MAGI1: variants seen among roughly 807,000 people sequenced by gnomAD.
The protein encoded by MAGI1 is membrane-associated guanylate kinase, WW and PDZ domain-containing protein 1.
Under a neutral mutation model 139.9 loss-of-function variants are expected in MAGI1, and 58 were observed. The ratio of observed to expected loss-of-function variants is 0.41; its 90% CI spans 0.34 to 0.52. The LOEUF (loss-of-function observed/expected upper bound fraction) is 0.52. Ranked by LOEUF, MAGI1 falls within the 20% of genes least tolerant of loss-of-function variation. MAGI1 has a pLI of 0.12. For missense variants in MAGI1, 1,874 were observed against 1,901.6 expected, an observed-to-expected ratio of 0.99 and a Z score of 0.27; for synonymous variants, 812 against 737.9, an observed-to-expected ratio of 1.10 and a Z score of -1.63.
chr3:65,451,922 A>T (rs1055818546), intron 6 of MAGI1, among the ~76,000 whole-genome samples: 2 of 152,188 alleles, frequency 1.3e-5, no homozygotes, highest in African/African-American at 4.8e-5. Context: ...TGCTGAGATT[A>T]CAGGTATGAG....
chr3:65,822,864 G>A (rs2042022498), intron 1 of MAGI1, among the ~76,000 whole-genome samples: 1 of 152,186 alleles, frequency 6.6e-6, no homozygotes, highest in Admixed American at 6.5e-5. Context: ...AACCATTGCT[G>A]AACCTGCATG....
At chr3:65,700,393 A>C (rs1004164385) in intron 1 of MAGI1, among the ~76,000 whole-genome samples, 3 of 152,128 alleles carry the variant, frequency 2.0e-5, no homozygotes, top group African/African-American at 7.2e-5. Flanking sequence ...GGTCACAATG[A>C]GTGGAGATCA....
chr3:65,855,665 AAG>A lies in MAGI1; in HGVS notation c.313+182329_313+182330del, dbSNP rs1415691856. Among the ~76,000 whole-genome samples, 279 of 142,554 alleles carry A rather than the reference AAG, an allele frequency of 2.0e-3. 6 individuals are homozygous for A. Among genetic ancestry groups the A allele is most frequent in the African/African-American group, 2.9e-3 (107 of 37,258 alleles). The allele number at this position is 142,554 out of a possible 152,430, so 93.5% of individuals were successfully genotyped here. On this transcript the variant is annotated intron_variant, in intron 1 of 22. Transcript: ENST00000402939. ...GAAACAGAGAGAGAGAAAGGAAAAA[AAG>A]AGAAAAGAAAGGAAAAGAAAAGAAA...
At position 65,356,770 on chromosome 3, in the gene MAGI1, C is replaced by T. The variant is rs142375705; in HGVS notation, c.3997G>A (p.Ala1333Thr). ...TCCCTCCTCTCCAAAGTGTTGTCGG[C>T]GCTGCGGGTGCCCTCCCTCCGCTTC... ...PEKRREGTRSADNTLERREKH... is the reference protein window; with the variant it reads ...PEKRREGTRSTDNTLERREKH... The change falls in exon 23 of 23, where the codon GCC becomes ACC. Residue 1333 changes from alanine (A) to threonine (T), a missense_variant. Around this residue, in one of 5 missense-constraint regions of MAGI1, gnomAD observed 653 missense variants for 644.5 expected, o/e 1.01. Coordinates refer to ENST00000402939, the MANE Select transcript of MAGI1 (RefSeq NM_001033057.2). The T allele has an allele frequency of 1.9e-6, 3 of 1,605,278 alleles. No homozygotes were observed. The highest frequency in any genetic ancestry group is 2.6e-6 in the Non-Finnish European group (3 of 1,176,058).
Position 65,484,707 on chromosome 3 carries a change from T to C in MAGI1, c.551-5909A>G, listed in dbSNP as rs772232753. On this transcript the variant is annotated intron_variant, in intron 3 of 22. Coordinates refer to ENST00000402939, the MANE Select transcript of MAGI1 (RefSeq NM_001033057.2). Reference sequence around the variant, plus strand: ...CCCCAGCATGTAAACTGTGCCCCCTTCCCCCATCTCACAGCTCTTGCACCC... The same window carrying C: ...CCCCAGCATGTAAACTGTGCCCCCTCCCCCCATCTCACAGCTCTTGCACCC... Among the ~76,000 whole-genome samples, 126 of 151,822 alleles carry C rather than the reference T, an allele frequency of 8.3e-4. No individual in the cohort carries two copies. The Middle Eastern group carries it at 0.01, about 12-fold the overall frequency.
intron 2 of MAGI1, among the ~76,000 whole-genome samples, chr3:65,554,819 A>G (rs2080010577): frequency 1.3e-5 from 2 of 152,206 alleles, no homozygotes; most frequent in South Asian, 4.1e-4. Context: ...TGTCAACATC[A>G]TGAAAGAAAA....
intron 1 of MAGI1, among the ~76,000 whole-genome samples, chr3:65,939,587 C>G (rs912055209): frequency 3.3e-5 from 5 of 152,052 alleles, no homozygotes; most frequent in Admixed American, 2.0e-4. Flanking sequence ...AATTATGAGC[C>G]CATCTAAGTC....
At chr3:65,463,558 ATGTGTGTG>A (rs56135171) in intron 5 of MAGI1, among the ~76,000 whole-genome samples, 32,737 of 140,656 alleles carry the variant, frequency 0.23, 3,713 homozygotes, top group Middle Eastern at 0.33. Context: ...TTGGCCTGAA[ATGTGTGTG>A]TGTGTGTGTG....
At chr3:65,735,356 C>CATGTGTGTGTGT (rs1553699336) in intron 1 of MAGI1, among the ~76,000 whole-genome samples, 162 of 148,178 alleles carry the variant, frequency 1.1e-3, no homozygotes, top group African/African-American at 3.9e-3. Context: ...TGTGTCTGCA[C>CATGTGTGTGTGT]GTGTGTGTGT....
intron 3 of MAGI1, among the ~76,000 whole-genome samples, chr3:65,490,631 G>A (rs1282075510): frequency 2.6e-5 from 4 of 151,940 alleles, no homozygotes; most frequent in African/African-American, 9.7e-5. Context: ...GGATCACGAA[G>A]TCATGAGATC....
At chr3:65,702,665 T>C (rs1379959267) in intron 1 of MAGI1, among the ~76,000 whole-genome samples, 6 of 152,108 alleles carry the variant, frequency 3.9e-5, no homozygotes, top group Non-Finnish European at 1.5e-5. Context: ...GAGGCCTTCC[T>C]TAGCTAAAGA....
At chr3:65,827,137 C>T (rs1175481456) in intron 1 of MAGI1, among the ~76,000 whole-genome samples, 1 of 152,150 alleles carries the variant, frequency 6.6e-6, no homozygotes, top group Non-Finnish European at 1.5e-5. Context: ...CCCAAGGAAC[C>T]AGGGGCTGGT....
At chr3:65,511,227 T>C (rs1274479252) in intron 2 of MAGI1, among the ~76,000 whole-genome samples, 3 of 150,436 alleles carry the variant, frequency 2.0e-5, no homozygotes, top group African/African-American at 7.3e-5. Context: ...CCATCAAGAC[T>C]AGGAAGAAAC....
intron 1 of MAGI1, among the ~76,000 whole-genome samples, chr3:65,887,403 AAAG>A (rs1275917121): frequency 1.2e-4 from 18 of 150,228 alleles, no homozygotes; most frequent in African/African-American, 4.4e-4. Flanking sequence ...AAAAAAAAAA[AAAG>A]GGCAGGGGCA....
intron 8 of MAGI1, 42 bp from the exon 9 acceptor site, chr3:65,440,054 T>A: frequency 1.9e-6 from 3 of 1,608,780 alleles, no homozygotes; most frequent in Admixed American, 1.7e-5. Flanking sequence ...AAACAGTTCA[T>A]CCCACCAGCA....
chr3:65,440,123 G>A (rs1948170559), intron 8 of MAGI1, 111 bp from the exon 9 acceptor site: 1 of 1,174,832 alleles, frequency 8.5e-7, no homozygotes, highest in Admixed American at 1.9e-5. Context: ...GGTCTGAGAT[G>A]CTAACCCTCG....
At chr3:65,716,374 G>A (rs1241999354) in intron 1 of MAGI1, among the ~76,000 whole-genome samples, 1 of 152,174 alleles carries the variant, frequency 6.6e-6, no homozygotes, top group African/African-American at 2.4e-5. Flanking sequence ...ACTGCTCTGA[G>A]AAGGAAAATA....
intron 1 of MAGI1, among the ~76,000 whole-genome samples, chr3:65,902,155 C>G (rs758055279): frequency 6.6e-6 from 1 of 152,138 alleles, no homozygotes; most frequent in East Asian, 1.9e-4. Context: ...AATAATCTTA[C>G]AGGTTGGTAT....
chr3:65,731,636 C>G (rs1206532300), intron 1 of MAGI1, among the ~76,000 whole-genome samples: 1 of 139,388 alleles, frequency 7.2e-6, no homozygotes, highest in African/African-American at 2.7e-5. Flanking sequence ...GCCTGGGTGA[C>G]AGAGTGAGAC....
Sources: gnomAD v4.1 joint callset for allele counts (sites outside exome capture counted in the v4.1 genomes callset) on GRCh38, gnomAD v4.1.1 for gene constraint, gnomAD v4.1.1 regional missense constraint, MANE v1.5 for transcripts, NCBI Gene and HGNC (gene_info 2026-07-23, HGNC 2026-07-21) for gene names.